The following PRKCA variants were observed in gnomAD, a reference collection of about 807,000 sequenced individuals.
PRKCA encodes the protein protein kinase C alpha type.
Under a neutral mutation model 87.0 loss-of-function variants are expected in PRKCA, and 27 were observed. The observed-to-expected ratio is 0.31, with a 90% CI of 0.23 to 0.43. The LOEUF (loss-of-function observed/expected upper bound fraction) is 0.43, where lower values mean the gene tolerates loss of function less well. Among genes scored for constraint, PRKCA ranks in the 20% least tolerant of loss-of-function variants. The probability of loss-of-function intolerance (pLI) is 1.00; values close to 1 mark genes in which losing one functional copy is unlikely to be tolerated. For missense variants in PRKCA, 518 were observed against 852.3 expected (o/e 0.61, Z 4.88); for synonymous variants, 329 against 311.1 (o/e 1.06, Z -0.61).
chr17:66,724,445 C>T (rs537122417), intron 8 of PRKCA, among the ~76,000 whole-genome samples: 1 of 152,284 alleles, frequency 6.6e-6, no homozygotes, highest in African/African-American at 2.4e-5. Context: ...GCCTGGTCCC[C>T]CACCGCTTTC....
At chr17:66,492,751 C>T (rs921477418) in intron 2 of PRKCA, among the ~76,000 whole-genome samples, 35 of 152,214 alleles carry the variant, frequency 2.3e-4, no homozygotes, top group African/African-American at 7.7e-4. Flanking sequence ...ATCCGTCCTT[C>T]GAGAGTTTTG....
At chr17:66,364,754 T>C (rs1015444011) in intron 2 of PRKCA, among the ~76,000 whole-genome samples, 14 of 152,186 alleles carry the variant, frequency 9.2e-5, no homozygotes, top group African/African-American at 3.4e-4. Context: ...CACACATTAA[T>C]GGATTCACTC....
chr17:66,395,368 T>C (rs1307858701), intron 2 of PRKCA, among the ~76,000 whole-genome samples: 1 of 152,240 alleles, frequency 6.6e-6, no homozygotes, highest in South Asian at 2.1e-4. Flanking sequence ...AACCGGTATG[T>C]TCATAATGTT....
intron 2 of PRKCA, among the ~76,000 whole-genome samples, chr17:66,391,939 T>A (rs1288333700): frequency 1.3e-5 from 2 of 152,100 alleles, no homozygotes; most frequent in East Asian, 3.9e-4. Flanking sequence ...CATTAGAAAC[T>A]GTGGTTACAG....
intron 2 of PRKCA, among the ~76,000 whole-genome samples, chr17:66,486,073 T>C (rs986410243): frequency 1.3e-5 from 2 of 152,184 alleles, no homozygotes; most frequent in African/African-American, 4.8e-5. Flanking sequence ...AAAGGAAAGT[T>C]GGACTCATCA....
At chr17:66,774,369 C>A (rs61762762) in intron 14 of PRKCA, 31,360 of 1,167,346 alleles carry the variant, frequency 0.027, 535 homozygotes, top group Non-Finnish European at 0.03. Flanking sequence ...GGCTATAATC[C>A]CAGCACTTTC....
intron 13 of PRKCA, among the ~76,000 whole-genome samples, chr17:66,758,458 C>T (rs1974607278): frequency 6.6e-6 from 1 of 152,194 alleles, no homozygotes; most frequent in African/African-American, 2.4e-5. Flanking sequence ...ATGTTAGACA[C>T]AATACAGATG....
At chr17:66,387,719 T>C (rs1418682893) in intron 2 of PRKCA, among the ~76,000 whole-genome samples, 1 of 152,218 alleles carries the variant, frequency 6.6e-6, no homozygotes, top group Non-Finnish European at 1.5e-5. Context: ...ACTGAATTCC[T>C]GTCTGCTCCC....
intron 2 of PRKCA, among the ~76,000 whole-genome samples, chr17:66,326,929 A>G (rs1437794382): frequency 6.6e-6 from 1 of 152,156 alleles, no homozygotes; most frequent in Non-Finnish European, 1.5e-5. Context: ...ATCACCAGGC[A>G]TGGTGGCAGA....
At chr17:66,612,689 A>G (rs963372303) in intron 3 of PRKCA, among the ~76,000 whole-genome samples, 3 of 150,814 alleles carry the variant, frequency 2.0e-5, no homozygotes, top group Non-Finnish European at 4.4e-5. Flanking sequence ...TTAGAGATTC[A>G]TATGTGCAAT....
chr17:66,726,288 AG>A (rs1222399417), intron 8 of PRKCA, among the ~76,000 whole-genome samples: 7 of 152,210 alleles, frequency 4.6e-5, no homozygotes, highest in Admixed American at 6.5e-5. Flanking sequence ...GCAGGTGTGC[AG>A]GACAGAAAGC....
chr17:66,742,707 G>A lies in PRKCA; in HGVS notation c.1471G>A (p.Asp491Asn). 6.2e-7 allele frequency: 1 copy of A among 1,614,156 alleles called. No homozygotes were observed. The highest frequency in any genetic ancestry group is 8.5e-7 in the Non-Finnish European group (1 of 1,180,016). ...DFGMCKEHMMDGVTTRTFCGT... is the reference protein window; with the variant it reads ...DFGMCKEHMMNGVTTRTFCGT... ...TGGGATGTGCAAGGAACACATGATGGATGGAGTCACGACCAGGACCTTCTG... is the reference window on the plus strand; with the variant it reads ...TGGGATGTGCAAGGAACACATGATGAATGGAGTCACGACCAGGACCTTCTG... Residue 491 changes from aspartate (D) to asparagine (N), a missense_variant, in exon 13 of 17, where the codon GAT (aspartate) becomes AAT (asparagine). Coordinates refer to ENST00000413366, the MANE Select transcript of PRKCA (RefSeq NM_002737.3).
chr17:66,489,425 T>C (rs1290489884), intron 2 of PRKCA, among the ~76,000 whole-genome samples: 1 of 144,850 alleles, frequency 6.9e-6, no homozygotes, highest in Middle Eastern at 3.2e-3. Context: ...TAGCAATCCG[T>C]GTTAGATGTA....
chr17:66,548,906 C>T (rs1296800979), intron 3 of PRKCA, among the ~76,000 whole-genome samples: 1 of 151,970 alleles, frequency 6.6e-6, no homozygotes, highest in African/African-American at 2.4e-5. Context: ...CTCCCGGGCT[C>T]AAGCAATCTT....
At chr17:66,349,678 TCTC>T (rs1350245654) in intron 2 of PRKCA, among the ~76,000 whole-genome samples, 2 of 152,060 alleles carry the variant, frequency 1.3e-5, no homozygotes, top group African/African-American at 4.8e-5. Context: ...TATTCTCACA[TCTC>T]CTCTGGGCTG....
intron 8 of PRKCA, among the ~76,000 whole-genome samples, chr17:66,695,359 A>C (rs781704619): frequency 1.3e-5 from 2 of 152,246 alleles, no homozygotes; most frequent in South Asian, 4.1e-4. Context: ...ATTTTGCTCC[A>C]GTATCACAAT....
Position 66,759,565 on chromosome 17 carries a change from C to T in PRKCA, c.1525-14422C>T, listed in dbSNP as rs972170091. On this transcript the variant is annotated intron_variant, in intron 13 of 16. Coordinates refer to ENST00000413366, the MANE Select transcript of PRKCA (RefSeq NM_002737.3). Reference sequence around the variant, plus strand: ...ATGGACAAGGGCCACAAATAGAAGACAATAACAAATATAGCAGTGATTAAT... The same window carrying T: ...ATGGACAAGGGCCACAAATAGAAGATAATAACAAATATAGCAGTGATTAAT... 2.0e-5 allele frequency among the ~76,000 whole-genome samples: 3 copies of T among 147,250 alleles called. No individual in the cohort carries two copies. In the South Asian group the frequency reaches 6.4e-4, roughly 31 times the overall value.
chr17:66,564,003 C>CTTCCTTCCTTCCT (rs762381346), intron 3 of PRKCA, among the ~76,000 whole-genome samples: 10 of 100,296 alleles, frequency 1.0e-4, no homozygotes, highest in African/African-American at 3.3e-4. Context: ...TCCTTCCTTC[C>CTTCCTTCCTTCCT]TCCTTTCTTT....
chr17:66,377,719 ATATTTTT>A (rs1350109726), intron 2 of PRKCA, among the ~76,000 whole-genome samples: 1 of 37,176 alleles, frequency 2.7e-5, no homozygotes, highest in African/African-American at 6.0e-5. Flanking sequence ...ATATATATAT[ATATTTTT>A]TTTTTTTTTT....
Sources: gnomAD v4.1 joint callset for allele counts (sites outside exome capture counted in the v4.1 genomes callset) on GRCh38, gnomAD v4.1.1 for gene constraint, MANE v1.5 for transcripts, NCBI Gene and HGNC (gene_info 2026-07-23, HGNC 2026-07-21) for gene names.